Variants in MDGA2 observed in about 807,000 individuals in gnomAD.
MDGA2 encodes the protein MAM domain-containing glycosylphosphatidylinositol anchor protein 2.
In MDGA2, 40 loss-of-function variants were observed where a neutral mutation model predicts 117.8. The ratio of observed to expected loss-of-function variants is 0.34; its 90% CI spans 0.26 to 0.44. The LOEUF is 0.44. Among genes scored for constraint, MDGA2 ranks in the 20% least tolerant of loss-of-function variants. The pLI is 1.00. For synonymous variants in MDGA2, 452 were observed against 439.0 expected (o/e 1.03, Z -0.37); for missense variants, 1,123 against 1,250.6 (o/e 0.90, Z 1.54).
At chr14:47,487,002 T>C (rs552412621) in intron 1 of MDGA2, among the ~76,000 whole-genome samples, 1 of 152,336 alleles carries the variant, frequency 6.6e-6, no homozygotes, top group East Asian at 1.9e-4. Flanking sequence ...AAGTTTCAGA[T>C]AGTTTATGCA....
At chr14:47,581,805 C>T (rs1285235634) in intron 1 of MDGA2, among the ~76,000 whole-genome samples, 1 of 151,938 alleles carries the variant, frequency 6.6e-6, no homozygotes, top group Non-Finnish European at 1.5e-5. Context: ...TTATAAGTCT[C>T]TGAAATTTTG....
chr14:47,172,905 A>T (rs1360012868), intron 3 of MDGA2, among the ~76,000 whole-genome samples: 9 of 152,150 alleles, frequency 5.9e-5, no homozygotes, highest in Non-Finnish European at 1.3e-4. Flanking sequence ...CTTCGAAAAA[A>T]ATTTAGACGA....
chr14:47,462,374 C>T (rs7145329), intron 1 of MDGA2, among the ~76,000 whole-genome samples: 41,826 of 127,840 alleles, frequency 0.33, 6,962 homozygotes, highest in East Asian at 0.57. Flanking sequence ...AGACTCCGTC[C>T]CAAAAAAAAA....
intron 9 of MDGA2, among the ~76,000 whole-genome samples, chr14:46,936,695 C>T (rs1397616043): frequency 2.6e-5 from 4 of 151,510 alleles, no homozygotes; most frequent in Non-Finnish European, 5.9e-5. Flanking sequence ...TCAATAGACA[C>T]AGAAGAAGCA....
At position 47,195,789 on chromosome 14, in the gene MDGA2, A is replaced by T. The variant is rs549290680; in HGVS notation, c.595+22232T>A. Among the ~76,000 whole-genome samples, 24 of 152,206 alleles carry T rather than the reference A, an allele frequency of 1.6e-4. No homozygotes were observed. The South Asian group carries it at 4.3e-3, about 28-fold the overall frequency. The stretch of plus-strand genomic sequence containing the variant: ...CCTTCAATCTGTGGATAACATCTTA[A>T]GTGCCTGAGAAGTGCATTTATAGAA... On this transcript the variant is annotated intron_variant, in intron 3 of 16. Transcript: ENST00000399232.
chr14:47,539,418 C>T (rs1566505282), intron 1 of MDGA2, among the ~76,000 whole-genome samples: 1 of 152,142 alleles, frequency 6.6e-6, no homozygotes, highest in Admixed American at 6.5e-5. Flanking sequence ...AGGAGAAACA[C>T]TTGGAGGGTC....
At chr14:47,307,682 T>C (rs1002925274) in intron 1 of MDGA2, among the ~76,000 whole-genome samples, 1 of 146,582 alleles carries the variant, frequency 6.8e-6, no homozygotes, top group African/African-American at 2.5e-5. Context: ...AGAGATACTC[T>C]GTGGGGGGGA....
At chr14:47,632,078 T>A (rs1376117416) in intron 1 of MDGA2, among the ~76,000 whole-genome samples, 1 of 152,212 alleles carries the variant, frequency 6.6e-6, no homozygotes, top group Non-Finnish European at 1.5e-5. Context: ...AATACTGTTA[T>A]GGGATGTAAA....
intron 10 of MDGA2, among the ~76,000 whole-genome samples, chr14:46,905,084 C>CAAG (rs1883436995): frequency 6.6e-6 from 1 of 152,136 alleles, no homozygotes; most frequent in African/African-American, 2.4e-5. Context: ...TAATGTTGCA[C>CAAG]AAGACTCTGT....
chr14:47,297,493 T>TGAAGGGAAGGGAAGG (rs3039470), intron 2 of MDGA2, among the ~76,000 whole-genome samples: 47 of 64,662 alleles, frequency 7.3e-4, no homozygotes, highest in African/African-American at 2.8e-3. Context: ...TGGAGGGGTG[T>TGAAGGGAAGGGAAGG]GAAGGGAAGG....
rs188888711 is a variant in MDGA2, at chr14:47,624,517, T to C, written c.280+50000A>G. 1.7e-3 allele frequency among the ~76,000 whole-genome samples: 262 copies of C among 152,250 alleles called. 1 individual carries two copies. Among genetic ancestry groups the C allele is most frequent in the Middle Eastern group, 3.4e-3 (1 of 294 alleles). On this transcript the variant is annotated intron_variant, in intron 1 of 16. Coordinates refer to ENST00000399232, the MANE Select transcript of MDGA2 (RefSeq NM_001113498.3). Reference sequence around the variant, plus strand: ...ATGATAACTCTTTTCTATTTACCCATGAGAAAACAACTATACATTTTATCA... The same window carrying C: ...ATGATAACTCTTTTCTATTTACCCACGAGAAAACAACTATACATTTTATCA...
intron 2 of MDGA2, among the ~76,000 whole-genome samples, chr14:47,283,820 G>A (rs556971676): frequency 1.3e-5 from 2 of 152,260 alleles, no homozygotes; most frequent in African/African-American, 2.4e-5. Context: ...GCAAGACAGT[G>A]GAAAAGTCCT....
intron 1 of MDGA2, among the ~76,000 whole-genome samples, chr14:47,583,595 T>C (rs1205977731): frequency 6.6e-6 from 1 of 151,814 alleles, no homozygotes; most frequent in Non-Finnish European, 1.5e-5. Context: ...TTTAACTTTC[T>C]GGAGGATGGA....
At chr14:47,589,698 A>G (rs1260250762) in intron 1 of MDGA2, among the ~76,000 whole-genome samples, 2 of 151,918 alleles carry the variant, frequency 1.3e-5, no homozygotes, top group Admixed American at 6.6e-5. Context: ...TAATTTCTGC[A>G]AAAAAGGCAG....
chr14:47,540,563 T>TATATATATACACACAC lies in MDGA2; in HGVS notation c.280+133953_280+133954insGTGTGTGTATATATAT, dbSNP rs370481455. Among the ~76,000 whole-genome samples, 78 of 112,500 alleles carry TATATATATACACACAC rather than the reference T, an allele frequency of 6.9e-4. 2 individuals carry two copies. The highest frequency in any genetic ancestry group is 2.1e-3 in the African/African-American group (73 of 34,130). The allele number at this position is 112,500 out of a possible 152,430, so 73.8% of individuals were successfully genotyped here. A position where few individuals can be genotyped will look rare whatever the true frequency, so the allele number is the denominator to read the frequency against. On this transcript the variant is annotated intron_variant, in intron 1 of 16. Coordinates refer to ENST00000399232, the MANE Select transcript of MDGA2 (RefSeq NM_001113498.3). The stretch of plus-strand genomic sequence containing the variant: ...GTGTATATATATATATGTATATATA[T>TATATATATACACACAC]ACACACACACATAGAGAGAGAGACA...
At chr14:47,339,634 A>C (rs1594805520) in intron 1 of MDGA2, among the ~76,000 whole-genome samples, 1 of 152,266 alleles carries the variant, frequency 6.6e-6, no homozygotes, top group Non-Finnish European at 1.5e-5. Flanking sequence ...ATCACTGCAC[A>C]TGCTGGCTCC....
chr14:47,193,411 T>C (rs1333631990), intron 3 of MDGA2, among the ~76,000 whole-genome samples: 1 of 152,158 alleles, frequency 6.6e-6, no homozygotes, highest in Non-Finnish European at 1.5e-5. Flanking sequence ...GACCCATCTG[T>C]CCCAGAGTCT....
At chr14:46,875,132 A>G (rs986575599) in intron 12 of MDGA2, among the ~76,000 whole-genome samples, 7 of 151,804 alleles carry the variant, frequency 4.6e-5, no homozygotes, top group Admixed American at 1.3e-4. Flanking sequence ...GGCAAAGGTC[A>G]GCTATTAAAT....
intron 1 of MDGA2, among the ~76,000 whole-genome samples, chr14:47,520,721 G>A (rs998607320): frequency 3.9e-5 from 6 of 152,256 alleles, no homozygotes; most frequent in East Asian, 3.9e-4. Flanking sequence ...AGCACTTGAC[G>A]TGTTGGAAAT....
Sources: allele counts gnomAD v4.1 joint callset (sites outside exome capture counted in the v4.1 genomes callset), GRCh38; gene constraint gnomAD v4.1.1; transcripts MANE v1.5; gene names NCBI Gene and HGNC (gene_info 2026-07-23, HGNC 2026-07-21).